BANF2: variants seen among roughly 807,000 people sequenced by gnomAD.
BANF2 encodes BANF family member 2, also known as barrier-to-autointegration factor-like protein.
A neutral mutation model predicts 8.0 loss-of-function variants in BANF2; 4 were observed. The ratio of observed to expected loss-of-function variants is 0.50; its 90% confidence interval spans 0.25 to 1.14. BANF2 has a LOEUF of 1.14. Among genes scored for constraint, BANF2 ranks in the 50% most tolerant of loss-of-function variants. The probability of loss-of-function intolerance (pLI) is 0.16; values close to 1 mark genes in which losing one functional copy is unlikely to be tolerated. For synonymous variants in BANF2, 50 were observed against 40.6 expected (o/e 1.23, Z -0.88); for missense variants, 96 against 107.5 (o/e 0.89, Z 0.47).
Position 17,722,886 on chromosome 20 carries a change from G to A in BANF2, c.-4+8G>A. 1 of 984,206 alleles carries A rather than the reference G, an allele frequency of 1.0e-6. No individual in the cohort carries two copies. The highest frequency in any genetic ancestry group is 1.2e-6 in the Non-Finnish European group (1 of 828,780). 61.0% of individuals were successfully genotyped at this position (984,206 alleles called of 1,614,324 possible). On this transcript the variant is annotated splice_region_variant and intron_variant, in intron 2 of 3. Coordinates refer to ENST00000246090, the MANE Select transcript of BANF2 (RefSeq NM_178477.5). ...GCTCGACTCTGTAGAAAGGTCTGGA[G>A]GAGGATGGGGACAGGAGAGGGGATG...
At chr20:17,699,361 G>A (rs1158542625), upstream of BANF2, among the ~76,000 whole-genome samples, 2 of 152,188 alleles carry the variant, frequency 1.3e-5, no homozygotes, top group Non-Finnish European at 2.9e-5. Context: ...ACAATGGAAA[G>A]TAGCCCAGGC....
At chr20:17,735,604 G>T in intron 3 of BANF2, 61 bp from the exon 4 acceptor site, 3 of 1,538,196 alleles carry the variant, frequency 2.0e-6, no homozygotes, top group Non-Finnish European at 1.8e-6. Context: ...AAGGAAGAGC[G>T]CGTCTGAGCT....
chr20:17,721,238 T>A (rs1351849062), intron 1 of BANF2, among the ~76,000 whole-genome samples: 1 of 152,168 alleles, frequency 6.6e-6, no homozygotes. Context: ...GGCCAGTGGC[T>A]GCTTTACAGG....
intron 1 of BANF2, chr20:17,693,765 A>C (rs926447520): frequency 7.8e-6 from 12 of 1,537,030 alleles, no homozygotes; most frequent in Non-Finnish European, 9.7e-6. Context: ...CGGGGAAAGG[A>C]GGCAAGGACA....
At chr20:17,716,089 C>T (rs1020922758) in intron 1 of BANF2, among the ~76,000 whole-genome samples, 1 of 151,910 alleles carries the variant, frequency 6.6e-6, no homozygotes, top group African/African-American at 2.4e-5. Flanking sequence ...GGGGTGGTCA[C>T]TTGCCTGCCC....
intron 1 of BANF2, among the ~76,000 whole-genome samples, chr20:17,715,347 G>T (rs1028697135): frequency 3.9e-5 from 6 of 152,190 alleles, no homozygotes; most frequent in African/African-American, 1.2e-4. Context: ...CGTCCTGAGG[G>T]TTCATGCACT....
upstream of BANF2, among the ~76,000 whole-genome samples, chr20:17,699,376 A>G (rs1353684001): frequency 6.6e-6 from 1 of 152,240 alleles, no homozygotes; most frequent in African/African-American, 2.4e-5. Context: ...CCAGGCATAT[A>G]TGCTATAGAG....
At position 17,706,718 on chromosome 20, in the gene BANF2, T is replaced by C. The variant is rs139390811; in HGVS notation, c.-167+6663T>C. Among the ~76,000 whole-genome samples, 133 of 152,336 alleles carry C rather than the reference T, an allele frequency of 8.7e-4. No individual in the cohort carries two copies. The East Asian group carries it at 0.022, about 25-fold the overall frequency. On this transcript the variant is annotated intron_variant, in intron 1 of 3. Transcript: ENST00000246090. ...CACAAATCCAGCCAGGTGTGGCTCC[T>C]TCTGCCTTTTCACTGCCACTAAGAG...
In BANF2 at chr20:17,725,071, A is replaced by G. The variant is rs2037785761; in HGVS notation, c.46A>G (p.Ile16Val). The G allele has an allele frequency of 6.2e-7, 1 of 1,608,572 alleles. No homozygotes were observed. Among genetic ancestry groups the G allele is most frequent in the African/African-American group, 1.3e-5 (1 of 74,846 alleles). Residue 16 changes from isoleucine (I) to valine (V), a missense_variant, in exon 3 of 4, where the codon ATT (isoleucine) becomes GTT (valine). By Grantham distance (29) the Ile-to-Val change is conservative. Transcript: ENST00000246090. ...GCTGAGAGCCTTCCTCTCCGAACCC[A>G]TTGGAGAAAAGGATGTCTGCTGGGT... ...PRLRAFLSEP[I>V]GEKDVCWVDG...
At chr20:17,732,017 G>C (rs1467425857) in intron 3 of BANF2, among the ~76,000 whole-genome samples, 1 of 151,206 alleles carries the variant, frequency 6.6e-6, no homozygotes, top group African/African-American at 2.4e-5. Flanking sequence ...AGTGAGCCAA[G>C]ACCGTGCCAC....
rs909979280 is a variant in BANF2, at chr20:17,710,435, T to A, written c.-167+10380T>A. 3.3e-5 allele frequency among the ~76,000 whole-genome samples: 5 copies of A among 152,236 alleles called. No homozygotes were observed. The East Asian group carries it at 9.6e-4, about 29-fold the overall frequency. On this transcript the variant is annotated intron_variant, in intron 1 of 3. Coordinates refer to ENST00000246090, the MANE Select transcript of BANF2 (RefSeq NM_178477.5). The stretch of plus-strand genomic sequence containing the variant: ...TTAAAATAGGAACAATTCTCTAATG[T>A]TGCAGAATTCGTTTTGAGGACTATG...
chr20:17,700,972 C>T (rs1412296243), intron 1 of BANF2, among the ~76,000 whole-genome samples: 1 of 152,114 alleles, frequency 6.6e-6, no homozygotes, highest in African/African-American at 2.4e-5. Flanking sequence ...TCTATAGGGA[C>T]CCCATGATTT....
intron 1 of BANF2, among the ~76,000 whole-genome samples, chr20:17,714,380 G>A (rs1282899021): frequency 6.6e-6 from 1 of 152,130 alleles, no homozygotes; most frequent in Non-Finnish European, 1.5e-5. Context: ...ACCCCAAAGG[G>A]AAGGGAATAT....
intron 2 of BANF2, among the ~76,000 whole-genome samples, chr20:17,724,338 C>T (rs891111814): frequency 7.2e-5 from 11 of 152,192 alleles, no homozygotes; most frequent in Non-Finnish European, 1.5e-5. Flanking sequence ...AGAGCACAGG[C>T]AACAAATGAG....
Position 17,735,797 on chromosome 20 carries a change from G to A in BANF2, c.259G>A (p.Ala87Thr), listed in dbSNP as rs371087865. 9.9e-6 allele frequency: 16 copies of A among 1,613,468 alleles called. No individual in the cohort carries two copies. Among genetic ancestry groups the A allele is most frequent in the East Asian group, 2.2e-5 (1 of 44,878 alleles). Reference protein sequence around the residue: ...QTSHCLKEWCACFL With the variant: ...QTSHCLKEWCTCFL The stretch of plus-strand genomic sequence containing the variant: ...TTCTCACTGCCTCAAGGAGTGGTGT[G>A]CCTGCTTCCTGTAGACACAAACCTC... Residue 87 changes from alanine (A) to threonine (T), a missense_variant, in exon 4 of 4, where the codon GCC (alanine) becomes ACC (threonine). Transcript: ENST00000246090.
intron 3 of BANF2, among the ~76,000 whole-genome samples, chr20:17,733,436 A>C (rs2037930516): frequency 1.3e-5 from 2 of 152,160 alleles, no homozygotes; most frequent in South Asian, 4.1e-4. Context: ...TATTATCATG[A>C]ACATTTCTCT....
intron 1 of BANF2, among the ~76,000 whole-genome samples, chr20:17,716,201 C>T (rs1568813153): frequency 6.6e-6 from 1 of 152,200 alleles, no homozygotes; most frequent in African/African-American, 2.4e-5. Context: ...AGCTTCCATC[C>T]AAAATGGAGG....
At chr20:17,726,431 A>C (rs2037810678) in intron 3 of BANF2, among the ~76,000 whole-genome samples, 1 of 152,190 alleles carries the variant, frequency 6.6e-6, no homozygotes, top group African/African-American at 2.4e-5. Context: ...AAGTGATTCA[A>C]CATACCTCGG....
chr20:17,703,507 G>A (rs79205403), intron 1 of BANF2, among the ~76,000 whole-genome samples: 1,585 of 152,284 alleles, frequency 0.01, 12 homozygotes, highest in Admixed American at 0.024. Flanking sequence ...TGAGCACAGC[G>A]GCCTAGAACA....
Sources: allele counts gnomAD v4.1 joint callset (sites outside exome capture counted in the v4.1 genomes callset), GRCh38; gene constraint gnomAD v4.1.1; transcripts MANE v1.5; gene names NCBI Gene and HGNC (gene_info 2026-07-23, HGNC 2026-07-21).